The following USH2A variants were observed in gnomAD, a reference collection of about 807,000 sequenced individuals.
USH2A encodes the protein usherin, also known as Usher syndrome 2A (autosomal recessive, mild).
Under a neutral mutation model 538.9 loss-of-function variants are expected in USH2A, and 443 were observed. The observed-to-expected ratio is 0.82, with a 90% CI of 0.76 to 0.89. The LOEUF is 0.89. USH2A is among the 40% of genes least tolerant of loss of function. The pLI is 0.00. For synonymous variants in USH2A, 2,413 were observed against 2,273.5 expected, an observed-to-expected ratio of 1.06 and a Z score of -1.75; for missense variants, 6,633 against 6,324.8, an observed-to-expected ratio of 1.05 and a Z score of -1.65.
chr1:216,100,253 G>A (rs2032545795), intron 21 of USH2A, among the ~76,000 whole-genome samples: 1 of 152,114 alleles, frequency 6.6e-6, no homozygotes, highest in Non-Finnish European at 1.5e-5. Context: ...TGAATGAGTA[G>A]AAGGTGGGTA....
chr1:216,211,848 G>C (rs1412318963), intron 15 of USH2A, among the ~76,000 whole-genome samples: 1 of 151,688 alleles, frequency 6.6e-6, no homozygotes, highest in Non-Finnish European at 1.5e-5. Flanking sequence ...CCCTTTCAGT[G>C]GATTTTAATT....
At chr1:216,319,675 G>A (rs1030243172) in intron 9 of USH2A, among the ~76,000 whole-genome samples, 11 of 152,124 alleles carry the variant, frequency 7.2e-5, no homozygotes, top group Admixed American at 6.6e-4. Context: ...CTAAATCAAA[G>A]ACTCTTAGTT....
At chr1:216,288,712 G>A (rs528630286) in intron 11 of USH2A, among the ~76,000 whole-genome samples, 2 of 152,210 alleles carry the variant, frequency 1.3e-5, no homozygotes, top group Admixed American at 6.5e-5. Context: ...CTGTTTTCCT[G>A]CTTGAGGTAG....
rs1481426891 is a variant in USH2A at position 215,647,677 on chromosome 1, G to A, written c.14636C>T (p.Thr4879Ile). 2 of 1,614,072 alleles carry A rather than the reference G, an allele frequency of 1.2e-6. No individual in the cohort carries two copies. Among genetic ancestry groups the A allele is most frequent in the Admixed American group, 1.7e-5 (1 of 60,006 alleles). Residue 4879 changes from threonine (T) to isoleucine (I), a missense_variant, in exon 67 of 72, where the codon ACT becomes ATT. By Grantham distance (89) the Thr-to-Ile change is moderately conservative. Transcript: ENST00000307340. ...ACPPDSALPC[T>I]PSQIETKYTG... ...GTACTTTGTTTCTATTTGGCTGGGAGTACAGGGGAGGGCTGAGTCAGGAGG... is the reference window on the plus strand; with the variant it reads ...GTACTTTGTTTCTATTTGGCTGGGAATACAGGGGAGGGCTGAGTCAGGAGG...
chr1:215,943,362 C>A (rs668837), intron 37 of USH2A, among the ~76,000 whole-genome samples: 1 of 151,880 alleles, frequency 6.6e-6, no homozygotes, highest in Non-Finnish European at 1.5e-5. Flanking sequence ...TAGAAAAAGC[C>A]AGGAACAGAA....
chr1:215,795,496 A>G (rs111884741), intron 50 of USH2A, among the ~76,000 whole-genome samples: 2 of 152,236 alleles, frequency 1.3e-5, no homozygotes, highest in Non-Finnish European at 2.9e-5. Flanking sequence ...TGATGTCTTG[A>G]ATATGGTTAC....
rs375747222 is a variant in USH2A, at chr1:215,674,806, C to T, written c.13105G>A (p.Ala4369Thr). 13 of 1,614,022 alleles carry T rather than the reference C, an allele frequency of 8.1e-6. No homozygotes were observed. Among genetic ancestry groups the T allele is most frequent in the South Asian group, 1.1e-5 (1 of 91,094 alleles). ...GACCAACATACATTCATTTGAGTGGCACTGACGGCCCAAAGATCTGGAGGG... is the reference window on the plus strand; with the variant it reads ...GACCAACATACATTCATTTGAGTGGTACTGACGGCCCAAAGATCTGGAGGG... Reference protein sequence around the residue: ...VSPPDLWAVSATQMNVCWSPP... With the variant: ...VSPPDLWAVSTTQMNVCWSPP... The change falls in exon 63 of 72, where the codon GCC becomes ACC. Residue 4369 changes from alanine to threonine, a missense_variant. Ala to Thr is a moderately conservative substitution (Grantham distance 58). Coordinates refer to ENST00000307340, the MANE Select transcript of USH2A (RefSeq NM_206933.4).
chr1:216,369,739 C>T (rs1223457702), intron 3 of USH2A, among the ~76,000 whole-genome samples: 2 of 151,402 alleles, frequency 1.3e-5, no homozygotes, highest in East Asian at 2.0e-4. Context: ...AGTGAAACCC[C>T]GTCTGTACTT....
chr1:216,097,142 C>G lies in USH2A; in HGVS notation c.4699G>C (p.Glu1567Gln). The change falls in exon 22 of 72, where the codon GAA becomes CAA. Residue 1567 changes from glutamate (E) to glutamine (Q), a missense_variant. Coordinates refer to ENST00000307340, the MANE Select transcript of USH2A (RefSeq NM_206933.4). Reference protein sequence around the residue: ...IVFAASPGNQEEYFALQLKKG... With the variant: ...IVFAASPGNQQEYFALQLKKG... ...TTCAACTGAAGTGCAAAATACTCTT[C>G]CTGATTGCCAGGTGATGCTGCAAAG... 2 of 1,614,144 alleles carry G rather than the reference C, an allele frequency of 1.2e-6. No homozygotes were observed. Among genetic ancestry groups the G allele is most frequent in the Non-Finnish European group, 1.7e-6 (2 of 1,180,012 alleles).
At chr1:216,282,405 G>A (rs936278389) in intron 11 of USH2A, among the ~76,000 whole-genome samples, 4 of 152,136 alleles carry the variant, frequency 2.6e-5, no homozygotes, top group African/African-American at 9.7e-5. Flanking sequence ...TTGTTTATAT[G>A]TGAGGTGGGG....
intron 37 of USH2A, among the ~76,000 whole-genome samples, chr1:215,951,122 T>G (rs1204767849): frequency 2.0e-5 from 3 of 152,186 alleles, no homozygotes; most frequent in South Asian, 2.1e-4. Context: ...CTCTTGCTTC[T>G]CTAGTTCTTT....
intron 30 of USH2A, among the ~76,000 whole-genome samples, chr1:216,063,884 A>G (rs1391951465): frequency 2.6e-5 from 4 of 152,230 alleles, no homozygotes; most frequent in African/African-American, 9.6e-5. Flanking sequence ...ACATCACCAA[A>G]TTTCTATAGA....
intron 30 of USH2A, among the ~76,000 whole-genome samples, chr1:216,068,483 C>T (rs949760716): frequency 4.6e-5 from 7 of 152,080 alleles, no homozygotes; most frequent in African/African-American, 7.2e-5. Context: ...TCTGATTTGG[C>T]GGGTGTGGGG....
intron 50 of USH2A, among the ~76,000 whole-genome samples, chr1:215,791,789 C>T (rs1284071319): frequency 6.6e-6 from 1 of 152,004 alleles, no homozygotes; most frequent in East Asian, 1.9e-4. Context: ...TGTATAAGTA[C>T]ATACCCAAAT....
At chr1:216,181,665 A>G (rs2034496652) in intron 20 of USH2A, among the ~76,000 whole-genome samples, 1 of 152,078 alleles carries the variant, frequency 6.6e-6, no homozygotes, top group Admixed American at 6.6e-5. Context: ...AGCAACCACC[A>G]TTCCCTAAAG....
rs533899957 is a variant in USH2A, at chr1:215,906,521, G to T, written c.7301-5616C>A. ...CCTGAAACAGCCTGCTATAGTGAAT[G>T]ATTTATAATATAGAATAACTATTAA... On this transcript the variant is annotated intron_variant, in intron 38 of 71. Coordinates refer to ENST00000307340, the MANE Select transcript of USH2A (RefSeq NM_206933.4). 1.6e-3 allele frequency among the ~76,000 whole-genome samples: 244 copies of T among 151,980 alleles called. 1 individual carries two copies. Among genetic ancestry groups the T allele is most frequent in the Non-Finnish European group, 2.5e-3 (171 of 67,936 alleles).
chr1:216,176,455 A>G (rs1241539978), intron 20 of USH2A, among the ~76,000 whole-genome samples: 1 of 152,110 alleles, frequency 6.6e-6, no homozygotes, highest in Non-Finnish European at 1.5e-5. Flanking sequence ...AAGAAGGTAC[A>G]GAGTTCTACC....
chr1:216,296,374 T>G (rs2037105255), intron 9 of USH2A, among the ~76,000 whole-genome samples: 1 of 152,024 alleles, frequency 6.6e-6, no homozygotes. Context: ...GTCCCGCTTC[T>G]CATCTCTCAG....
At chr1:216,125,424 T>A (rs17648416) in intron 21 of USH2A, among the ~76,000 whole-genome samples, 1,781 of 152,242 alleles carry the variant, frequency 0.012, 10 homozygotes, top group Non-Finnish European at 0.016. Context: ...GTATTTTCTC[T>A]AAAGTAAGAT....
Sources: gnomAD v4.1 joint callset for allele counts (sites outside exome capture counted in the v4.1 genomes callset) on GRCh38, gnomAD v4.1.1 for gene constraint, MANE v1.5 for transcripts, NCBI Gene and HGNC (gene_info 2026-07-23, HGNC 2026-07-21) for gene names.